Variants in RBFOX2 observed in about 807,000 individuals in gnomAD.
RBFOX2 encodes RNA binding fox-1 homolog 2.
In RBFOX2, 10 loss-of-function variants were observed where a neutral mutation model predicts 49.1. The ratio of observed to expected loss-of-function variants is 0.20; its 90% confidence interval spans 0.13 to 0.35. The LOEUF is 0.35. Among genes scored for constraint, RBFOX2 ranks in the 10% least tolerant of loss-of-function variants. RBFOX2 has a pLI of 1.00. For synonymous variants in RBFOX2, 183 were observed against 187.4 expected (o/e 0.98, Z 0.19); for missense variants, 323 against 486.9 (o/e 0.66, Z 3.17).
chr22:35,911,103 C>A (rs2049767407), intron 1 of RBFOX2, among the ~76,000 whole-genome samples: 1 of 152,008 alleles, frequency 6.6e-6, no homozygotes, highest in African/African-American at 2.4e-5. Flanking sequence ...AACATAGTTT[C>A]CACTTTAAGC....
chr22:35,746,044 A>T (rs746456378), intron 10 of RBFOX2, 49 bp from the exon 13 acceptor site: 150 of 1,494,736 alleles, frequency 1.0e-4, no homozygotes, highest in Non-Finnish European at 9.5e-5. Flanking sequence ...TGTATGATCT[A>T]AAAAAATTAA....
At chr22:35,741,149 G>A (rs1311299215) in exon 12 of RBFOX2, 1 of 152,244 alleles carries the variant, frequency 6.6e-6, no homozygotes, top group Non-Finnish European at 1.5e-5. Flanking sequence ...TGAACTAGGT[G>A]ACATGAGGAA....
At chr22:35,823,659 G>A (rs759722278) in intron 1 of RBFOX2, among the ~76,000 whole-genome samples, 27 of 152,102 alleles carry the variant, frequency 1.8e-4, no homozygotes, top group African/African-American at 2.4e-4. Context: ...TTTGAGAAAC[G>A]TTAAATAACT....
In RBFOX2 at chr22:35,910,684, T is replaced by C. The variant is rs186680071; in HGVS notation, c.-34+28163A>G. ...ACTCCCACTTCCCTAGATGATTCAT[T>C]TGTAATGCCAACTTATGTGTCTGAA... On this transcript the variant is annotated intron_variant, in intron 1 of 13. Transcript: ENST00000359369. Among the ~76,000 whole-genome samples, 13 of 152,318 alleles carry C rather than the reference T, an allele frequency of 8.5e-5. No individual in the cohort carries two copies. In the East Asian group the frequency reaches 2.1e-3, roughly 25 times the overall value.
At position 35,967,010 on chromosome 22, in the gene RBFOX2, GGTCTTACTA is replaced by G. The variant is rs552681069; in HGVS notation, c.187-28122_187-28114del. 1.2e-4 allele frequency among the ~76,000 whole-genome samples: 18 copies of G among 151,822 alleles called. 1 individual carries two copies. In the South Asian group the frequency reaches 3.5e-3, roughly 30 times the overall value. ...AAAAAAAAAAAAATTGTAGAGATGAGGTCTTACTATGTTGTTGCCCAGGCTGATCTTTAA... is the reference window on the plus strand; with the variant it reads ...AAAAAAAAAAAAATTGTAGAGATGAGTGTTGTTGCCCAGGCTGATCTTTAA... On this transcript the variant is annotated intron_variant, in intron 1 of 13. Coordinates refer to the RBFOX2 transcript ENST00000438146.
At chr22:35,763,879 C>T (rs1027915997) in intron 6 of RBFOX2, among the ~76,000 whole-genome samples, 5 of 152,138 alleles carry the variant, frequency 3.3e-5, no homozygotes, top group Non-Finnish European at 7.3e-5. Context: ...TCCACTGTCA[C>T]GGAGTAAATA....
chr22:35,942,057 CTG>C (rs991955608), upstream of RBFOX2, among the ~76,000 whole-genome samples: 5 of 152,202 alleles, frequency 3.3e-5, no homozygotes, highest in Non-Finnish European at 7.3e-5. Context: ...GGGCACATAA[CTG>C]TATTTTACTA....
intron 1 of RBFOX2, among the ~76,000 whole-genome samples, chr22:35,865,292 T>C (rs1040131167): frequency 2.0e-5 from 3 of 152,070 alleles, no homozygotes; most frequent in Non-Finnish European, 4.4e-5. Flanking sequence ...AATGAGTTTT[T>C]AAGATCAACA....
At position 35,838,798 on chromosome 22, in the gene RBFOX2, A is replaced by G. The variant is rs190398019; in HGVS notation, c.27+1394T>C. Among the ~76,000 whole-genome samples, 577 of 152,348 alleles carry G rather than the reference A, an allele frequency of 3.8e-3. 6 individuals are homozygous for G. The highest frequency in any genetic ancestry group is 4.0e-3 in the Non-Finnish European group (274 of 68,024). On this transcript the variant is annotated intron_variant, in intron 1 of 11. Transcript: ENST00000405409. The stretch of plus-strand genomic sequence containing the variant: ...GCTTCTCCGCTTTTCCAAAAGAGGA[A>G]GGAGTTTGTTGAAATTTTCTAAACT...
At chr22:35,936,237 C>T (rs943846832) in intron 1 of RBFOX2, among the ~76,000 whole-genome samples, 17 of 64,530 alleles carry the variant, frequency 2.6e-4, no homozygotes, top group African/African-American at 9.3e-4. Flanking sequence ...CCAACAACAA[C>T]AAAAAAAAAA....
intron 1 of RBFOX2, among the ~76,000 whole-genome samples, chr22:35,909,231 G>C (rs1000962121): frequency 1.3e-5 from 2 of 152,094 alleles, no homozygotes; most frequent in African/African-American, 4.8e-5. Flanking sequence ...GCCAAGGTGA[G>C]AGGATCGCTT....
At chr22:35,975,100 T>TA (rs1397348367) in intron 1 of RBFOX2, among the ~76,000 whole-genome samples, 1 of 152,132 alleles carries the variant, frequency 6.6e-6, no homozygotes, top group Non-Finnish European at 1.5e-5. Context: ...AACGAAATTT[T>TA]AAAAAACAAG....
At chr22:35,891,078 C>T (rs1017277193) in intron 1 of RBFOX2, among the ~76,000 whole-genome samples, 15 of 152,064 alleles carry the variant, frequency 9.9e-5, no homozygotes, top group Non-Finnish European at 7.4e-5. Context: ...TAGACAGATT[C>T]GAATAGCATT....
chr22:35,827,026 A>C (rs1183780279), intron 1 of RBFOX2, among the ~76,000 whole-genome samples: 1 of 152,226 alleles, frequency 6.6e-6, no homozygotes, highest in Non-Finnish European at 1.5e-5. Flanking sequence ...TATGTTAGCG[A>C]ACAACAGTCA....
At chr22:35,943,235 T>A (rs1189855381), upstream of RBFOX2, among the ~76,000 whole-genome samples, 1 of 152,222 alleles carries the variant, frequency 6.6e-6, no homozygotes, top group East Asian at 1.9e-4. Context: ...TATGATTATC[T>A]AATGATATGC....
intron 2 of RBFOX2, among the ~76,000 whole-genome samples, chr22:35,788,287 T>TTAAACACA (rs765354555): frequency 3.9e-5 from 6 of 152,194 alleles, no homozygotes; most frequent in Non-Finnish European, 8.8e-5. Context: ...CAGATTAAGA[T>TTAAACACA]TAAACACATA....
chr22:35,961,500 G>A, intron 1 of RBFOX2: 1 of 1,298,880 alleles, frequency 7.7e-7, no homozygotes, highest in Admixed American at 2.3e-5. Flanking sequence ...CCTTACTGAA[G>A]CCACAATTCC....
intron 1 of RBFOX2, among the ~76,000 whole-genome samples, chr22:35,917,961 G>A (rs1388971489): frequency 1.3e-5 from 2 of 152,204 alleles, no homozygotes; most frequent in Non-Finnish European, 2.9e-5. Context: ...CCACTAGCAA[G>A]AGCTATAAGA....
At chr22:35,844,696 A>G (rs1488858316), upstream of RBFOX2, among the ~76,000 whole-genome samples, 2 of 144,258 alleles carry the variant, frequency 1.4e-5, no homozygotes, top group East Asian at 4.1e-4. Flanking sequence ...TAGTAGAGAT[A>G]TGTTTCACCA....
Sources: gnomAD v4.1 joint callset for allele counts (sites outside exome capture counted in the v4.1 genomes callset) on GRCh38, gnomAD v4.1.1 for gene constraint, MANE v1.5 for transcripts, NCBI Gene and HGNC (gene_info 2026-07-23, HGNC 2026-07-21) for gene names.